GPM6A: variants seen among roughly 807,000 people sequenced by gnomAD.
GPM6A encodes neuronal membrane glycoprotein M6-a.
In GPM6A, 7 loss-of-function variants were observed where a neutral mutation model predicts 32.1. The observed-to-expected ratio is 0.22, with a 90% confidence interval of 0.12 to 0.41. The LOEUF (loss-of-function observed/expected upper bound fraction) is 0.41. GPM6A is among the 10% of genes least tolerant of loss of function. The pLI is 1.00. For missense variants in GPM6A, 235 were observed against 347.2 expected (o/e 0.68, Z 2.57); for synonymous variants, 130 against 123.4 (o/e 1.05, Z -0.35).
At chr4:175,751,379 C>T (rs1471637489) in intron 1 of GPM6A, among the ~76,000 whole-genome samples, 1 of 152,156 alleles carries the variant, frequency 6.6e-6, no homozygotes, top group East Asian at 1.9e-4. Context: ...CCTAGAATGG[C>T]AACTTATTTT....
intron 1 of GPM6A, among the ~76,000 whole-genome samples, chr4:175,881,203 C>A (rs1227593771): frequency 1.3e-5 from 2 of 152,126 alleles, no homozygotes; most frequent in Non-Finnish European, 2.9e-5. Flanking sequence ...AGACACTTCT[C>A]AAAAGAAGAC....
At chr4:175,878,612 C>T (rs952884288) in intron 1 of GPM6A, among the ~76,000 whole-genome samples, 5 of 152,102 alleles carry the variant, frequency 3.3e-5, no homozygotes, top group African/African-American at 1.2e-4. Flanking sequence ...GCAACAAGGT[C>T]CTGGGCCTGG....
At chr4:175,677,064 A>T (rs1743411721) in intron 2 of GPM6A, among the ~76,000 whole-genome samples, 1 of 152,178 alleles carries the variant, frequency 6.6e-6, no homozygotes, top group South Asian at 2.1e-4. Flanking sequence ...TTTTAGATCA[A>T]CTTCAAGATT....
intron 1 of GPM6A, among the ~76,000 whole-genome samples, chr4:175,727,459 CTTAA>C (rs1350038183): frequency 6.6e-6 from 1 of 152,084 alleles, no homozygotes; most frequent in Non-Finnish European, 1.5e-5. Context: ...ATTCAATATC[CTTAA>C]CTTTTAGTCA....
chr4:176,000,459 C>A (rs1444894578), intron 1 of GPM6A, among the ~76,000 whole-genome samples: 1 of 152,120 alleles, frequency 6.6e-6, no homozygotes, highest in Non-Finnish European at 1.5e-5. Flanking sequence ...AAATCCAGGA[C>A]AAATTGTTTT....
intron 1 of GPM6A, among the ~76,000 whole-genome samples, chr4:175,827,678 C>T (rs952757164): frequency 4.6e-5 from 7 of 152,160 alleles, no homozygotes; most frequent in South Asian, 2.1e-4. Context: ...TGGTTTGGTC[C>T]GCATGATGTT....
chr4:175,680,530 C>A (rs1372374600), intron 2 of GPM6A, among the ~76,000 whole-genome samples: 1 of 152,050 alleles, frequency 6.6e-6, no homozygotes, highest in Admixed American at 6.6e-5. Context: ...TGTATTTTTT[C>A]TTCCCTTCAT....
chr4:175,812,821 A>C, upstream of GPM6A: 2 of 985,332 alleles, frequency 2.0e-6, no homozygotes, highest in Non-Finnish European at 2.4e-6. Context: ...GATACGTTGC[A>C]AAAAAACTGT....
rs946416403 is a variant in GPM6A, at chr4:175,971,288, T to A, written c.-23+31021A>T. On this transcript the variant is annotated intron_variant, in intron 1 of 7. Transcript: ENST00000280187. ...CTTCCGTGAAAAAAAAAAAAAAAAA[T>A]TCTGAAAAGGACCCGGTACCTGCCT... is the stretch of plus-strand genomic sequence containing the variant. 1.4e-3 allele frequency among the ~76,000 whole-genome samples: 199 copies of A among 143,244 alleles called. 1 individual carries two copies. Among genetic ancestry groups the A allele is most frequent in the African/African-American group, 4.9e-3 (174 of 35,186 alleles). The allele number at this position is 143,244 out of a possible 152,430, so 94.0% of individuals were successfully genotyped here.
At chr4:175,776,058 G>A (rs1381534804) in intron 1 of GPM6A, among the ~76,000 whole-genome samples, 1 of 152,176 alleles carries the variant, frequency 6.6e-6, no homozygotes, top group East Asian at 1.9e-4. Context: ...AATTTGTGGT[G>A]TGAGAATTTC....
At chr4:175,736,515 G>C (rs1731666928) in intron 1 of GPM6A, among the ~76,000 whole-genome samples, 1 of 151,992 alleles carries the variant, frequency 6.6e-6, no homozygotes, top group South Asian at 2.1e-4. Flanking sequence ...GAAAATAATT[G>C]CAATTCTCTA....
chr4:175,647,500 G>A (rs1741528347), intron 4 of GPM6A, among the ~76,000 whole-genome samples: 1 of 152,078 alleles, frequency 6.6e-6, no homozygotes, highest in African/African-American at 2.4e-5. Context: ...ATCAAGTAAT[G>A]TCTCTGTGTG....
chr4:175,883,133 T>C (rs549848228), intron 1 of GPM6A, among the ~76,000 whole-genome samples: 106 of 152,188 alleles, frequency 7.0e-4, no homozygotes, highest in Admixed American at 1.4e-3. Context: ...TTTATCTTAC[T>C]TCTTGATGGA....
chr4:175,842,902 T>C (rs1286903956), intron 1 of GPM6A, among the ~76,000 whole-genome samples: 2 of 151,860 alleles, frequency 1.3e-5, no homozygotes, highest in African/African-American at 2.4e-5. Context: ...TTAATCCCAA[T>C]CCTTGCTTAC....
At chr4:175,919,750 G>A (rs531340736) in intron 1 of GPM6A, among the ~76,000 whole-genome samples, 1 of 152,236 alleles carries the variant, frequency 6.6e-6, no homozygotes, top group South Asian at 2.1e-4. Context: ...TGATGAAGCT[G>A]GGTACAGTTA....
At chr4:175,747,369 T>TATGAA (rs1732152415) in intron 1 of GPM6A, among the ~76,000 whole-genome samples, 2 of 151,344 alleles carry the variant, frequency 1.3e-5, no homozygotes, top group African/African-American at 2.4e-5. Context: ...TATGAGGGAG[T>TATGAA]ATGAAATACA....
chr4:175,820,852 C>T (rs946101686), intron 1 of GPM6A, among the ~76,000 whole-genome samples: 1 of 152,122 alleles, frequency 6.6e-6, no homozygotes, highest in Non-Finnish European at 1.5e-5. Flanking sequence ...TGTCTCTTTT[C>T]GCAACTTCTT....
At chr4:175,804,773 C>T (rs558998478) in intron 1 of GPM6A, among the ~76,000 whole-genome samples, 4 of 152,172 alleles carry the variant, frequency 2.6e-5, no homozygotes, top group African/African-American at 9.6e-5. Context: ...GGGCCGGGCT[C>T]GGTGGCTCAC....
intron 1 of GPM6A, among the ~76,000 whole-genome samples, chr4:175,965,082 T>C (rs1348805966): frequency 6.6e-6 from 1 of 152,248 alleles, no homozygotes; most frequent in African/African-American, 2.4e-5. Flanking sequence ...TTGACGTTTA[T>C]GGACTACTTC....
Sources: gnomAD v4.1 joint callset for allele counts (sites outside exome capture counted in the v4.1 genomes callset) on GRCh38, gnomAD v4.1.1 for gene constraint, MANE v1.5 for transcripts, NCBI Gene and HGNC (gene_info 2026-07-23, HGNC 2026-07-21) for gene names.